SNRNP200: variants seen among roughly 807,000 people sequenced by gnomAD.
SNRNP200 encodes the protein small nuclear ribonucleoprotein U5 subunit 200, also known as U5 small nuclear ribonucleoprotein 200 kDa helicase.
Under a neutral mutation model 255.2 loss-of-function variants are expected in SNRNP200, and 66 were observed. That is an observed-to-expected ratio of 0.26 (90% CI 0.21 to 0.32). The LOEUF is 0.32. Among genes scored for constraint, SNRNP200 ranks in the 10% least tolerant of loss-of-function variants. The probability of loss-of-function intolerance (pLI) is 1.00; values close to 1 mark genes in which losing one functional copy is unlikely to be tolerated. For missense variants in SNRNP200, 1,585 were observed against 2,749.8 expected (o/e 0.58, Z 9.47); for synonymous variants, 939 against 1,027.8 (o/e 0.91, Z 1.65).
Position 96,301,728 on chromosome 2 carries a change from A to T in SNRNP200, c.382-12T>A. On this transcript the variant is annotated splice_polypyrimidine_tract_variant and intron_variant, in intron 3 of 44. Transcript: ENST00000323853. ...AGGATATCACGTGGCTGGTGGCAAG[A>T]AACAACCAACCAATATTGAGAACGA... 6.2e-7 allele frequency: 1 copy of T among 1,614,126 alleles called. No homozygotes were observed. The highest frequency in any genetic ancestry group is 1.1e-5 in the South Asian group (1 of 91,076).
chr2:96,279,260 G>A, intron 36 of SNRNP200, 191 bp downstream of exon 36: 1 of 660,952 alleles, frequency 1.5e-6, no homozygotes, highest in Non-Finnish European at 2.7e-6. Context: ...AACACGTGGA[G>A]CCAACGGCAG....
chr2:96,275,928 T>C (rs1684647912), intron 43 of SNRNP200, among the ~76,000 whole-genome samples: 1 of 152,092 alleles, frequency 6.6e-6, no homozygotes, highest in African/African-American at 2.4e-5. Flanking sequence ...ATGGCGTGAT[T>C]CCGGGAGGCG....
At chr2:96,275,193 A>G (rs1372932218) in intron 44 of SNRNP200, 38 bp from the exon 45 acceptor site, 1 of 1,614,190 alleles carries the variant, frequency 6.2e-7, no homozygotes, top group Non-Finnish European at 8.5e-7. Context: ...GAGCATGGAC[A>G]CAGGAAGCAT....
Position 96,276,926 on chromosome 2 carries a change from A to T in SNRNP200, c.6152T>A (p.Val2051Asp). The T allele has an allele frequency of 6.2e-7, 1 of 1,614,076 alleles. No individual in the cohort carries two copies. The highest frequency in any genetic ancestry group is 8.5e-7 in the Non-Finnish European group (1 of 1,180,016). ...CACCTGCGGGAAGAGAGGCGCAATG[A>T]CAGGGCCTGTGACTTCCTCCTCTCG... is the stretch of plus-strand genomic sequence containing the variant. ...LEREEEVTGP[V>D]IAPLFPQKRE... Residue 2051 changes from valine to aspartate, a missense_variant, in exon 43 of 45, where the codon GTC becomes GAC. Physicochemically the swap from Val to Asp is radical, Grantham distance 152 (BLOSUM62 -3). Coordinates refer to ENST00000323853, the MANE Select transcript of SNRNP200 (RefSeq NM_014014.5).
chr2:96,301,775 C>T lies in SNRNP200; in HGVS notation c.382-59G>A. On this transcript the variant is annotated intron_variant, in intron 3 of 44. Coordinates refer to ENST00000323853, the MANE Select transcript of SNRNP200 (RefSeq NM_014014.5). Reference sequence around the variant, plus strand: ...ACGACGACAGGCAAAACATCTTCAACCAGGTGTATGTGGCGGCAGGATGTG... The same window carrying T: ...ACGACGACAGGCAAAACATCTTCAATCAGGTGTATGTGGCGGCAGGATGTG... 3 of 1,588,798 alleles carry T rather than the reference C, an allele frequency of 1.9e-6. No individual in the cohort carries two copies. In the South Asian group the frequency reaches 3.3e-5, roughly 18 times the overall value.
At position 96,283,157 on chromosome 2, in the gene SNRNP200, T is replaced by C; in HGVS notation, c.4915+44A>G. On this transcript the variant is annotated intron_variant, in intron 34 of 44. Coordinates refer to ENST00000323853, the MANE Select transcript of SNRNP200 (RefSeq NM_014014.5). The surrounding 1 kb of genome is among the most constrained non-coding windows in gnomAD (Gnocchi z 4.7). ...CACCCCTCAAGTTTAACACCACCACTTGGTGATACCCTTGCTATGCTCCCC... is the reference window on the plus strand; with the variant it reads ...CACCCCTCAAGTTTAACACCACCACCTGGTGATACCCTTGCTATGCTCCCC... The C allele has an allele frequency of 6.2e-7, 1 of 1,611,304 alleles. No homozygotes were observed. Among genetic ancestry groups the C allele is most frequent in the Non-Finnish European group, 8.5e-7 (1 of 1,179,346 alleles).
At chr2:96,301,416 T>C (rs2063951401) in intron 4 of SNRNP200, 108 bp downstream of exon 4, 3 of 1,153,424 alleles carry the variant, frequency 2.6e-6, no homozygotes, top group African/African-American at 3.0e-5. Context: ...GAACAGATTA[T>C]GGGAACTCAC....
rs2063978185 is a variant in SNRNP200 at position 96,304,968 on chromosome 2, G to A, written c.46-100C>T. 9.3e-6 allele frequency: 12 copies of A among 1,284,468 alleles called. 1 individual carries two copies. In the South Asian group the frequency reaches 1.5e-4, roughly 16 times the overall value. The allele number at this position is 1,284,468 out of a possible 1,614,324, so 79.6% of individuals were successfully genotyped here. A position where few individuals can be genotyped will look rare whatever the true frequency, so the allele number is the denominator to read the frequency against. On this transcript the variant is annotated intron_variant, in intron 1 of 44. Coordinates refer to ENST00000323853, the MANE Select transcript of SNRNP200 (RefSeq NM_014014.5). ...ATGGAAAAAATCGTAGTAACTAGTT[G>A]CTTATCATCACTAATCGTAATAAAA...
chr2:96,298,994 C>A, intron 6 of SNRNP200, 27 bp from the exon 7 acceptor site: 1 of 1,613,154 alleles, frequency 6.2e-7, no homozygotes, highest in East Asian at 2.2e-5. Context: ...GCATTTAGCT[C>A]ACCAGGTCTC....
In SNRNP200 at chr2:96,290,830, CA is replaced by C. The variant is rs1181259680; in HGVS notation, c.2422-16del. On this transcript the variant is annotated splice_polypyrimidine_tract_variant and intron_variant, in intron 18 of 44. Coordinates refer to ENST00000323853, the MANE Select transcript of SNRNP200 (RefSeq NM_014014.5). The surrounding 1 kb of genome is among the most constrained non-coding windows in gnomAD (Gnocchi z 4.5). ...GAAACTAAAACCTACAGAGGCAAAA[CA>C]AGGTAATGAGGAGAACAGATGCCAT... 6.2e-7 allele frequency: 1 copy of C among 1,613,956 alleles called. No homozygotes were observed.
Position 96,287,125 on chromosome 2 carries a change from T to C in SNRNP200, c.3520A>G (p.Ile1174Val). 2 of 1,614,212 alleles carry C rather than the reference T, an allele frequency of 1.2e-6. No homozygotes were observed. The highest frequency in any genetic ancestry group is 1.1e-5 in the South Asian group (1 of 91,086). ...LIRMPKMGKT[I>V]HKYVHLFPKL... ...GGAAACAGATGGACATATTTGTGGA[T>C]GGTCTTCCCCATCTTTGGCATGCGG... Residue 1174 changes from isoleucine (I) to valine (V), a missense_variant, in exon 27 of 45, where the codon ATC (isoleucine) becomes GTC (valine). Ile to Val is a conservative substitution (Grantham distance 29). This residue lies in a region of SNRNP200 where 719 missense variants were observed against 1,091.1 expected (regional missense o/e 0.66). Transcript: ENST00000323853. The surrounding 1 kb of genome is among the most constrained non-coding windows in gnomAD (Gnocchi z 5.7).
chr2:96,303,140 TTCACAATA>T lies in SNRNP200; in HGVS notation c.381+11_381+18del. On this transcript the variant is annotated intron_variant, in intron 3 of 44. Transcript: ENST00000323853. Reference sequence around the variant, plus strand: ...AATGAAATAAAGACCTAATATATATTTCACAATATCACACTCACCTGGTCCCCAAGAGC... The same window carrying T: ...AATGAAATAAAGACCTAATATATATTTCACACTCACCTGGTCCCCAAGAGC... The T allele has an allele frequency of 6.2e-7, 1 of 1,613,092 alleles. No individual in the cohort carries two copies. Among genetic ancestry groups the T allele is most frequent in the Non-Finnish European group, 8.5e-7 (1 of 1,179,116 alleles).
rs1399853789 is a variant in SNRNP200 at position 96,291,359 on chromosome 2, A to C, written c.2421+33T>G. The C allele has an allele frequency of 8.4e-7, 1 of 1,185,900 alleles. No homozygotes were observed. 73.5% of individuals were successfully genotyped at this position (1,185,900 alleles called of 1,614,324 possible). ...TTGCCCATCTTCTGAAGTATGTCCC[A>C]CCTGCTCCTCCAAACGCTTTGCACC... On this transcript the variant is annotated intron_variant, in intron 18 of 44. Transcript: ENST00000323853. This position sits in a 1 kb window ranked among gnomAD's most constrained non-coding sequence, Gnocchi z 4.2.
At chr2:96,285,524 C>T in intron 29 of SNRNP200, 184 bp from the exon 30 acceptor site, 1 of 657,892 alleles carries the variant, frequency 1.5e-6, no homozygotes, top group Non-Finnish European at 2.7e-6. Context: ...TACCCCCTTA[C>T]CTGCTCCCAC....
In SNRNP200 at chr2:96,285,192, G is replaced by A; in HGVS notation, c.4152C>T (p.Ala1384=). The change falls in exon 30 of 45, where the codon GCC becomes GCT. Residue 1384 remains alanine, a synonymous_variant. Transcript: ENST00000323853. The part of the protein sequence containing the change: ...GRCVYITPME[A]LAEQVYMDWY... ...CGCCACGTCATACCTGCTCTGCCAG[G>A]GCCTCCATGGGGGTGATGTACACAC... 6.2e-7 allele frequency: 1 copy of A among 1,614,102 alleles called. No individual in the cohort carries two copies. Among genetic ancestry groups the A allele is most frequent in the Non-Finnish European group, 8.5e-7 (1 of 1,180,024 alleles).
chr2:96,277,882 C>T lies in SNRNP200; in HGVS notation c.5679G>A (p.Leu1893=). The change falls in exon 40 of 45, where the codon CTG becomes CTA. Residue 1893 remains leucine (L), a synonymous_variant. Transcript: ENST00000323853. The surrounding 1 kb of genome is among the most constrained non-coding windows in gnomAD (Gnocchi z 4.4). The part of the protein sequence containing the change: ...KFNDPHVKTN[L]LLQAHLSRMQ... ...TGCGAGACAAGTGAGCCTGCAGGAG[C>T]AGGTTGGTCTTGACGTGCGGATCAT... 1.9e-6 allele frequency: 3 copies of T among 1,614,244 alleles called. No homozygotes were observed. The highest frequency in any genetic ancestry group is 1.1e-5 in the South Asian group (1 of 91,088).
rs1290109978 is a variant in SNRNP200, at chr2:96,274,439, G to C, written c.*573C>G. 1 of 159,590 alleles carries C rather than the reference G, an allele frequency of 6.3e-6. No homozygotes were observed. The highest frequency in any genetic ancestry group is 1.4e-5 in the Non-Finnish European group (1 of 72,298). The allele number at this position is 159,590 out of a possible 1,614,324, so 9.9% of individuals were successfully genotyped here. A position where few individuals can be genotyped will look rare whatever the true frequency, so the allele number is the denominator to read the frequency against. ...CCAGGAGCAGACACTGCAAATTTCA[G>C]AACCCCCATCTAGAGAAACCCCTAA... On this transcript the variant is annotated 3_prime_UTR_variant, in exon 45 of 45. Transcript: ENST00000323853.
In SNRNP200 at chr2:96,277,818, T is replaced by C; in HGVS notation, c.5743A>G (p.Ile1915Val). 2 of 1,614,242 alleles carry C rather than the reference T, an allele frequency of 1.2e-6. No homozygotes were observed. The highest frequency in any genetic ancestry group is 1.3e-5 in the African/African-American group (1 of 75,062). The change falls in exon 40 of 45, where the codon ATC (isoleucine) becomes GTC (valine). Residue 1915 changes from isoleucine to valine, a missense_variant. By Grantham distance (29) the Ile-to-Val change is conservative. Around this residue, in one of 9 missense-constraint regions of SNRNP200, gnomAD observed 279 missense variants for 551.2 expected, o/e 0.51. Transcript: ENST00000323853. This position sits in a 1 kb window ranked among gnomAD's most constrained non-coding sequence, Gnocchi z 4.4. ...CACCCACACTCTACCTTACTAAGGA[T>C]TTCCTCCGTATCTGACTGCAACTCA... ...SAELQSDTEEILSKAIRLIQA... is the reference protein window; with the variant it reads ...SAELQSDTEEVLSKAIRLIQA...
chr2:96,290,618 C>T lies in SNRNP200; in HGVS notation c.2553+66G>A, dbSNP rs188916336. On this transcript the variant is annotated intron_variant, in intron 19 of 44. Coordinates refer to ENST00000323853, the MANE Select transcript of SNRNP200 (RefSeq NM_014014.5). This position sits in a 1 kb window ranked among gnomAD's most constrained non-coding sequence, Gnocchi z 4.5. ...CTAGACCTCTGATCTGCTAGCTTTC[C>T]AGCATCCCTGCATTTCAGGCAAGGA... 2,643 of 1,613,440 alleles carry T rather than the reference C, an allele frequency of 1.6e-3. 10 individuals carry two copies. Among genetic ancestry groups the T allele is most frequent in the Middle Eastern group, 0.012 (73 of 6,022 alleles).
Sources: gnomAD v4.1 joint callset for allele counts (sites outside exome capture counted in the v4.1 genomes callset) on GRCh38, gnomAD v4.1.1 for gene constraint, gnomAD v4.1.1 regional missense constraint, Gnocchi (gnomAD v3.1) non-coding constraint, MANE v1.5 for transcripts, NCBI Gene and HGNC (gene_info 2026-07-23, HGNC 2026-07-21) for gene names.